ATP8A1: variants seen among roughly 807,000 people sequenced by gnomAD.
ATP8A1 encodes the protein ATPase phospholipid transporting 8A1.
In ATP8A1, 90 loss-of-function variants were observed where a neutral mutation model predicts 177.7. The ratio of observed to expected loss-of-function variants is 0.51; its 90% CI spans 0.43 to 0.60. The LOEUF is 0.60. ATP8A1 is among the 20% of genes least tolerant of loss of function. The pLI is 0.00. For missense variants in ATP8A1, 1,072 were observed against 1,392.8 expected, an observed-to-expected ratio of 0.77 and a Z score of 3.67; for synonymous variants, 493 against 485.9, an observed-to-expected ratio of 1.01 and a Z score of -0.19.
At chr4:42,580,077 A>G in intron 10 of ATP8A1, 99 bp from the exon 11 acceptor site, 1 of 932,258 alleles carries the variant, frequency 1.1e-6, no homozygotes, top group Non-Finnish European at 1.6e-6. Flanking sequence ...ACAACTCAGT[A>G]TCTAGATGTG....
At chr4:42,619,812 C>T (rs1322822919) in intron 4 of ATP8A1, among the ~76,000 whole-genome samples, 1 of 152,114 alleles carries the variant, frequency 6.6e-6, no homozygotes, top group East Asian at 1.9e-4. Flanking sequence ...TTCTCTTTGC[C>T]ATGCCACTAG....
intron 7 of ATP8A1, among the ~76,000 whole-genome samples, chr4:42,589,070 T>C (rs1166898388): frequency 6.6e-6 from 1 of 152,132 alleles, no homozygotes; most frequent in Non-Finnish European, 1.5e-5. Context: ...CTTAGTAAAA[T>C]CTGGTGTGTG....
rs748666667 is a variant in ATP8A1, at chr4:42,457,624, G to A, written c.2620-2025C>T. On this transcript the variant is annotated intron_variant, in intron 27 of 36. Transcript: ENST00000381668. ...AAATGCATTTGCAATCATCAATACC[G>A]TACAATGAGAAGTTTATGTTAGTAA... Among the ~76,000 whole-genome samples, 86 of 152,242 alleles carry A rather than the reference G, an allele frequency of 5.6e-4. No individual in the cohort carries two copies. In the Middle Eastern group the frequency reaches 0.017, roughly 30 times the overall value.
intron 30 of ATP8A1, among the ~76,000 whole-genome samples, chr4:42,448,583 A>G (rs1395458410): frequency 1.3e-5 from 2 of 150,846 alleles, no homozygotes; most frequent in African/African-American, 4.9e-5. Flanking sequence ...TTTTTGGTAG[A>G]GACGGGGTTT....
intron 35 of ATP8A1, among the ~76,000 whole-genome samples, chr4:42,420,002 C>CA (rs11429291): frequency 0.32 from 45,167 of 140,058 alleles, 7,347 homozygotes; most frequent in Middle Eastern, 0.47. Context: ...GACTCCGTCT[C>CA]AAAAAAAAAC....
chr4:42,552,839 C>T (rs1048140402), intron 16 of ATP8A1, among the ~76,000 whole-genome samples: 5 of 152,204 alleles, frequency 3.3e-5, no homozygotes, highest in Non-Finnish European at 4.4e-5. Flanking sequence ...TCTGGCCAGG[C>T]GTGGTGGCAG....
rs1006120871 is a variant in ATP8A1, at chr4:42,522,038, G to A, written c.1947+122C>T. 31 of 1,064,336 alleles carry A rather than the reference G, an allele frequency of 2.9e-5. No homozygotes were observed. In the African/African-American group the frequency reaches 4.9e-4, roughly 17 times the overall value. 65.9% of individuals were successfully genotyped at this position (1,064,336 alleles called of 1,614,324 possible). A position where few individuals can be genotyped will look rare whatever the true frequency, so the allele number is the denominator to read the frequency against. On this transcript the variant is annotated intron_variant, in intron 22 of 36. Transcript: ENST00000381668. ...CTTGTTAATGCTTAGATGATGAGAG[G>A]GTATTCAATAGTGAATGGTATGTCA...
chr4:42,446,827 T>G (rs546599649), intron 30 of ATP8A1, among the ~76,000 whole-genome samples, 183 bp from the exon 31 acceptor site: 1 of 149,694 alleles, frequency 6.7e-6, no homozygotes, highest in African/African-American at 2.5e-5. Context: ...GCTGTAAAGA[T>G]AGGCCACAAA....
intron 20 of ATP8A1, among the ~76,000 whole-genome samples, chr4:42,533,656 T>C (rs1295579903): frequency 6.6e-6 from 1 of 152,150 alleles, no homozygotes; most frequent in African/African-American, 2.4e-5. Flanking sequence ...GCATCCTCCC[T>C]ATACTATAGC....
At chr4:42,539,792 AC>A (rs1352913967) in intron 20 of ATP8A1, among the ~76,000 whole-genome samples, 1 of 152,162 alleles carries the variant, frequency 6.6e-6, no homozygotes, top group Non-Finnish European at 1.5e-5. Context: ...TACAAAGAAA[AC>A]AAAAAATCAA....
chr4:42,481,546 T>C (rs190045859), intron 25 of ATP8A1, among the ~76,000 whole-genome samples: 24 of 152,344 alleles, frequency 1.6e-4, no homozygotes, highest in Non-Finnish European at 2.1e-4. Context: ...ATACCAATTA[T>C]ACAGACTGTA....
chr4:42,444,680 G>T, intron 31 of ATP8A1, 46 bp from the exon 32 acceptor site: 4 of 1,558,232 alleles, frequency 2.6e-6, no homozygotes, highest in Non-Finnish European at 3.5e-6. Context: ...AAACATGAAA[G>T]TTCATCAAAT....
At chr4:42,617,864 T>C (rs1560524796) in intron 4 of ATP8A1, among the ~76,000 whole-genome samples, 1 of 152,200 alleles carries the variant, frequency 6.6e-6, no homozygotes, top group Admixed American at 6.5e-5. Context: ...GTGTTGAATA[T>C]ATTAAGAATC....
At chr4:42,600,659 AG>A in intron 5 of ATP8A1, 141 bp from the exon 6 acceptor site, 2 of 709,836 alleles carry the variant, frequency 2.8e-6, no homozygotes, top group South Asian at 4.3e-5. Flanking sequence ...TAATTATGAT[AG>A]CAAGAATATG....
intron 1 of ATP8A1, among the ~76,000 whole-genome samples, chr4:42,647,328 T>A (rs1479214808): frequency 2.6e-5 from 4 of 152,212 alleles, no homozygotes; most frequent in Admixed American, 2.6e-4. Flanking sequence ...GCTAGAGGTA[T>A]AATTTACAAC....
chr4:42,470,331 G>C (rs1197882965), intron 25 of ATP8A1, among the ~76,000 whole-genome samples: 1 of 152,166 alleles, frequency 6.6e-6, no homozygotes, highest in African/African-American at 2.4e-5. Context: ...GTGAACGTTA[G>C]ATCAGAGCAC....
intron 20 of ATP8A1, among the ~76,000 whole-genome samples, chr4:42,543,567 T>TA (rs773946940): frequency 7.2e-5 from 11 of 152,196 alleles, no homozygotes; most frequent in Non-Finnish European, 1.5e-4. Context: ...TCTATGCTCT[T>TA]AAAAAATTAG....
chr4:42,591,616 T>C (rs1313864769), intron 6 of ATP8A1, among the ~76,000 whole-genome samples: 4 of 152,080 alleles, frequency 2.6e-5, no homozygotes, highest in African/African-American at 7.2e-5. Flanking sequence ...GGGTATGAAA[T>C]AGACATGCGG....
In ATP8A1 at chr4:42,561,244, C is replaced by T. The variant is rs867018554; in HGVS notation, c.1341-5204G>A. Among the ~76,000 whole-genome samples the T allele has an allele frequency of 1.8e-3, 271 of 152,198 alleles. 1 individual carries two copies. The highest frequency in any genetic ancestry group is 5.7e-3 in the African/African-American group (237 of 41,448). ...ACTGGGACAGGTGCGCACTGGGCCT[C>T]GGGCCGGCCTGAAGAGCACTTATGG... On this transcript the variant is annotated intron_variant, in intron 15 of 36. Transcript: ENST00000381668.
Sources: gnomAD v4.1 joint callset for allele counts (sites outside exome capture counted in the v4.1 genomes callset) on GRCh38, gnomAD v4.1.1 for gene constraint, MANE v1.5 for transcripts, NCBI Gene and HGNC (gene_info 2026-07-23, HGNC 2026-07-21) for gene names.